PDE1C: variants seen among roughly 807,000 people sequenced by gnomAD.
PDE1C encodes phosphodiesterase 1C, also known as dual specificity calcium/calmodulin-dependent 3',5'-cyclic nucleotide phosphodiesterase 1C.
PDE1C carries 62 observed loss-of-function variants against 93.1 expected under a neutral mutation model. The observed-to-expected ratio is 0.67, with a 90% CI of 0.54 to 0.82. The LOEUF (loss-of-function observed/expected upper bound fraction) is 0.82. Ranked by LOEUF, PDE1C falls within the 40% of genes least tolerant of loss-of-function variation. PDE1C has a pLI of 0.00. For missense variants in PDE1C, 742 were observed against 884.6 expected (o/e 0.84, Z 2.04); for synonymous variants, 325 against 310.1 (o/e 1.05, Z -0.50).
At chr7:32,135,903 T>C (rs998485985) in intron 3 of PDE1C, among the ~76,000 whole-genome samples, 4 of 152,118 alleles carry the variant, frequency 2.6e-5, no homozygotes, top group African/African-American at 9.7e-5. Context: ...ATAAAGAAAG[T>C]GTGGTATATT....
At chr7:31,678,464 C>T in the PDE1C span, among the ~76,000 whole-genome samples, 1 of 152,008 alleles carries the variant, frequency 6.6e-6, no homozygotes, top group Non-Finnish European at 1.5e-5. Context: ...ATGACATCAC[C>T]AATCAATAGA....
At chr7:32,319,084 C>G (rs1362315593) in intron 1 of PDE1C, among the ~76,000 whole-genome samples, 1 of 152,218 alleles carries the variant, frequency 6.6e-6, no homozygotes, top group Non-Finnish European at 1.5e-5. Context: ...CTCGTTCTCC[C>G]GCGCCCTCCA....
At chr7:32,243,373 C>G (rs1391831243) in intron 1 of PDE1C, among the ~76,000 whole-genome samples, 3 of 152,074 alleles carry the variant, frequency 2.0e-5, no homozygotes, top group African/African-American at 7.2e-5. Context: ...AGATCAGCAG[C>G]TTGGGGTGAT....
intron 3 of PDE1C, among the ~76,000 whole-genome samples, chr7:32,113,236 A>AATATATATATATATGTATATATATATAT (rs1798775223): frequency 1.1e-5 from 1 of 94,020 alleles, no homozygotes; most frequent in Non-Finnish European, 2.0e-5. Flanking sequence ...ATTGTCCTTA[A>AATATATATATATATGTATATATATATAT]ATATATATAT....
rs572495872 is a variant in PDE1C at position 32,208,526 on chromosome 7, G to A, written c.136+963C>T. 1.1e-4 allele frequency among the ~76,000 whole-genome samples: 17 copies of A among 152,142 alleles called. No individual in the cohort carries two copies. The South Asian group carries it at 3.5e-3, about 32-fold the overall frequency. On this transcript the variant is annotated intron_variant, in intron 2 of 18. Transcript: ENST00000396193. ...AAAAAAAAAAAATTAATGTAACAAT[G>A]TCCAATTTTGAACATTTTCCAGGTG...
chr7:31,749,897 C>A (rs111956987), downstream of PDE1C, among the ~76,000 whole-genome samples: 2 of 151,822 alleles, frequency 1.3e-5, no homozygotes, highest in Non-Finnish European at 2.9e-5. Context: ...GCCACCACAC[C>A]CAGCTATTTT....
chr7:32,029,916 C>T (rs30566), intron 2 of PDE1C, among the ~76,000 whole-genome samples: 103,333 of 151,822 alleles, frequency 0.68, 35,651 homozygotes, highest in Middle Eastern at 0.78. Flanking sequence ...GTAAAGAACT[C>T]GAAACAACTT....
At chr7:32,156,617 T>C (rs796502725) in intron 3 of PDE1C, among the ~76,000 whole-genome samples, 5 of 152,238 alleles carry the variant, frequency 3.3e-5, no homozygotes, top group African/African-American at 9.6e-5. Context: ...GAAAATACAA[T>C]GGCTTATAAA....
intron 14 of PDE1C, among the ~76,000 whole-genome samples, chr7:31,816,889 T>C (rs1788332158): frequency 6.6e-6 from 1 of 152,184 alleles, no homozygotes; most frequent in African/African-American, 2.4e-5. Flanking sequence ...GCATTATTTC[T>C]AATCCAGTTG....
chr7:31,761,537 A>G (rs111580196), intron 17 of PDE1C, among the ~76,000 whole-genome samples: 77 of 152,286 alleles, frequency 5.1e-4, no homozygotes, highest in African/African-American at 1.9e-3. Flanking sequence ...TGGAATATTA[A>G]CAAGTATTCC....
At chr7:31,694,387 A>AACACACACACACACACACAC in the PDE1C span, among the ~76,000 whole-genome samples, 3,283 of 141,558 alleles carry the variant, frequency 0.023, 54 homozygotes, top group Middle Eastern at 0.039. Context: ...CTCTCTCTCA[A>AACACACACACACACACACAC]ACACACACAC....
chr7:31,747,935 CTG>C (rs1295055113), downstream of PDE1C, among the ~76,000 whole-genome samples: 2 of 151,518 alleles, frequency 1.3e-5, no homozygotes, highest in African/African-American at 4.8e-5. Context: ...ATTATAAAAA[CTG>C]TGCTTACATT....
intron 1 of PDE1C, among the ~76,000 whole-genome samples, chr7:32,418,740 CCAAA>C (rs901919865): frequency 1.1e-4 from 16 of 152,026 alleles, no homozygotes; most frequent in East Asian, 3.9e-4. Context: ...TAATAAAGTC[CCAAA>C]CAAACAAACA....
intron 3 of PDE1C, among the ~76,000 whole-genome samples, chr7:32,090,106 C>G (rs752379557): frequency 4.6e-5 from 7 of 152,076 alleles, no homozygotes; most frequent in Non-Finnish European, 1.0e-4. Context: ...GACAAGGGAG[C>G]TTGGATTAAA....
chr7:32,084,878 T>C (rs1796966552), intron 3 of PDE1C, among the ~76,000 whole-genome samples: 1 of 147,322 alleles, frequency 6.8e-6, no homozygotes, highest in Non-Finnish European at 1.5e-5. Flanking sequence ...TTTATAGCAC[T>C]AAAAGCCCAC....
At chr7:32,218,905 C>A (rs75743868) in intron 1 of PDE1C, among the ~76,000 whole-genome samples, 5,403 of 152,284 alleles carry the variant, frequency 0.035, 316 homozygotes, top group African/African-American at 0.12. Context: ...ATCTGTTGGG[C>A]TCCCTCCTCA....
At chr7:31,840,080 G>A (rs1791662725) in intron 9 of PDE1C, among the ~76,000 whole-genome samples, 1 of 152,080 alleles carries the variant, frequency 6.6e-6, no homozygotes, top group Admixed American at 6.6e-5. Flanking sequence ...TGTGAAAGTG[G>A]TTGTATCACT....
chr7:31,904,341 G>C (rs1271862127), intron 2 of PDE1C, among the ~76,000 whole-genome samples: 1 of 151,672 alleles, frequency 6.6e-6, no homozygotes, highest in Non-Finnish European at 1.5e-5. Context: ...CACAAAATTT[G>C]CGAGCAAATC....
chr7:31,852,239 A>G (rs796369891), intron 7 of PDE1C, among the ~76,000 whole-genome samples: 13 of 152,360 alleles, frequency 8.5e-5, no homozygotes, highest in African/African-American at 3.1e-4. Flanking sequence ...GAGCATAAAC[A>G]TAACTCATGA....
Sources: allele counts gnomAD v4.1 joint callset (sites outside exome capture counted in the v4.1 genomes callset), GRCh38; gene constraint gnomAD v4.1.1; transcripts MANE v1.5; gene names NCBI Gene and HGNC (gene_info 2026-07-23, HGNC 2026-07-21).